The following KIF6 variants were observed in gnomAD, a reference collection of about 807,000 sequenced individuals.
KIF6 encodes kinesin family member 6.
KIF6 carries 106 observed loss-of-function variants against 112.7 expected under a neutral mutation model. The observed-to-expected ratio is 0.94, with a 90% CI of 0.80 to 1.11. KIF6 has a LOEUF of 1.11. Ranked by LOEUF, KIF6 falls within the 50% of genes least tolerant of loss-of-function variation. The probability of loss-of-function intolerance (pLI) is 0.00; values close to 1 mark genes in which losing one functional copy is unlikely to be tolerated. For missense variants in KIF6, 929 were observed against 964.0 expected, an observed-to-expected ratio of 0.96 and a Z score of 0.48; for synonymous variants, 339 against 339.9, an observed-to-expected ratio of 1.00 and a Z score of 0.03.
intron 15 of KIF6, among the ~76,000 whole-genome samples, chr6:39,390,456 G>A (rs904763098): frequency 5.9e-5 from 9 of 152,154 alleles, no homozygotes; most frequent in South Asian, 2.1e-4. Context: ...GTTAAGGTGC[G>A]CTTGGGAAGG....
At chr6:39,442,799 A>C (rs560490495) in intron 13 of KIF6, among the ~76,000 whole-genome samples, 100 of 152,256 alleles carry the variant, frequency 6.6e-4, no homozygotes, top group African/African-American at 2.1e-3. Flanking sequence ...GAAAGGCAGC[A>C]GTTTTCTTCA....
At position 39,408,620 on chromosome 6, in the gene KIF6, T is replaced by C. The variant is rs187664851; in HGVS notation, c.1810+11328A>G. On this transcript the variant is annotated intron_variant, in intron 15 of 22. Transcript: ENST00000287152. ...CAACAAAACAAGATATCTTTGTACA[T>C]AGGTGCCTCTCTCTCTCTCTCTCTC... Among the ~76,000 whole-genome samples the C allele has an allele frequency of 6.6e-5, 10 of 152,160 alleles. No homozygotes were observed. The East Asian group carries it at 1.9e-3, about 29-fold the overall frequency.
intron 3 of KIF6, among the ~76,000 whole-genome samples, chr6:39,706,162 G>C (rs2113852601): frequency 6.6e-6 from 1 of 152,150 alleles, no homozygotes; most frequent in African/African-American, 2.4e-5. Flanking sequence ...ATAGCTTCAT[G>C]CAACTCTTAT....
chr6:39,617,790 G>A (rs1299634194), intron 5 of KIF6: 1 of 453,560 alleles, frequency 2.2e-6, no homozygotes, highest in Non-Finnish European at 4.4e-6. Context: ...AATGTCAAGA[G>A]CAGGTGGGCC....
At chr6:39,362,560 TA>T in intron 16 of KIF6, 42 bp from the exon 17 acceptor site, 1 of 1,393,966 alleles carries the variant, frequency 7.2e-7, no homozygotes, top group Non-Finnish European at 1.0e-6. Context: ...GAAAGAAGGG[TA>T]AAAGGAAGAG....
chr6:39,581,521 G>A (rs1407812633), intron 9 of KIF6, among the ~76,000 whole-genome samples: 1 of 151,992 alleles, frequency 6.6e-6, no homozygotes, highest in African/African-American at 2.4e-5. Context: ...ATGTAAATTT[G>A]AATTTCAAAC....
intron 3 of KIF6, among the ~76,000 whole-genome samples, chr6:39,670,877 T>G (rs767886298): frequency 3.9e-5 from 6 of 152,202 alleles, no homozygotes; most frequent in Non-Finnish European, 7.3e-5. Context: ...GCATTGTAGA[T>G]GTCACCTATA....
chr6:39,361,235 C>T (rs1399521968), intron 17 of KIF6, among the ~76,000 whole-genome samples: 1 of 151,988 alleles, frequency 6.6e-6, no homozygotes, highest in Non-Finnish European at 1.5e-5. Context: ...GCCAAGGGGA[C>T]AAGATGAAGA....
At chr6:39,690,632 C>T (rs1251731790) in intron 3 of KIF6, 1 of 152,798 alleles carries the variant, frequency 6.5e-6, no homozygotes, top group African/African-American at 2.4e-5. Context: ...AAAGATCCCC[C>T]TGCGGAAGAA....
At chr6:39,430,264 T>A (rs533093221) in intron 14 of KIF6, among the ~76,000 whole-genome samples, 1 of 152,260 alleles carries the variant, frequency 6.6e-6, no homozygotes, top group African/African-American at 2.4e-5. Flanking sequence ...TGCCACATGT[T>A]CTCCTGAGAG....
intron 3 of KIF6, among the ~76,000 whole-genome samples, chr6:39,655,481 A>AT (rs1175853353): frequency 2.0e-5 from 3 of 151,330 alleles, no homozygotes; most frequent in Non-Finnish European, 1.5e-5. Flanking sequence ...TTTTTTCTTC[A>AT]TTTTTTTTGC....
chr6:39,361,999 G>A lies in KIF6; in HGVS notation c.1946+435C>T, dbSNP rs528385961. Among the ~76,000 whole-genome samples the A allele has an allele frequency of 4.1e-4, 63 of 152,346 alleles. 1 individual carries two copies. The highest frequency in any genetic ancestry group is 5.9e-5 in the Non-Finnish European group (4 of 68,028). On this transcript the variant is annotated intron_variant, in intron 17 of 22. Coordinates refer to ENST00000287152, the MANE Select transcript of KIF6 (RefSeq NM_145027.6). ...TGGAGCAAGATTCGGTGACCATGCTGTATATCAGGAATGGCTACATGCCTG... is the reference window on the plus strand; with the variant it reads ...TGGAGCAAGATTCGGTGACCATGCTATATATCAGGAATGGCTACATGCCTG...
rs114876511 is a variant in KIF6, at chr6:39,664,943, T to G, written c.252-25186A>C. On this transcript the variant is annotated intron_variant, in intron 3 of 22. Transcript: ENST00000287152. The stretch of plus-strand genomic sequence containing the variant: ...AAAACATGACAAAACATTTCATAGG[T>G]CATTTTACACAACAGACTAGGCAAT... Among the ~76,000 whole-genome samples, 1,451 of 152,266 alleles carry G rather than the reference T, an allele frequency of 9.5e-3. 15 individuals are homozygous for G. The highest frequency in any genetic ancestry group is 0.033 in the African/African-American group (1,385 of 41,568).
intron 16 of KIF6, among the ~76,000 whole-genome samples, chr6:39,367,820 C>A (rs2150276829): frequency 6.6e-6 from 1 of 152,260 alleles, no homozygotes; most frequent in South Asian, 2.1e-4. Context: ...TTGAAATGTG[C>A]AGAATAGTTT....
intron 13 of KIF6, among the ~76,000 whole-genome samples, chr6:39,515,680 T>C (rs1463423252): frequency 6.6e-6 from 1 of 152,086 alleles, no homozygotes; most frequent in Non-Finnish European, 1.5e-5. Context: ...GGAGATGTGG[T>C]TTCTCCACCC....
chr6:39,437,216 T>C (rs1291202024), intron 13 of KIF6, among the ~76,000 whole-genome samples: 1 of 152,232 alleles, frequency 6.6e-6, no homozygotes, highest in Non-Finnish European at 1.5e-5. Flanking sequence ...TACATTTATT[T>C]TGTAAACTGA....
chr6:39,337,158 T>TCCTTCTTTC lies in KIF6; in HGVS notation c.2429-611_2429-610insGAAAGAAGG, dbSNP rs1491446959. ...TTCCTTCCTTCCTTTCTCTTTCTTTTCTTTCTTTCCTTCCTTCTTTCTTTC... is the reference window on the plus strand; with the variant it reads ...TTCCTTCCTTCCTTTCTCTTTCTTTTCCTTCTTTCCTTTCTTTCCTTCCTTCTTTCTTTC... On this transcript the variant is annotated intron_variant, in intron 22 of 22. Coordinates refer to ENST00000287152, the MANE Select transcript of KIF6 (RefSeq NM_145027.6). Among the ~76,000 whole-genome samples the TCCTTCTTTC allele has an allele frequency of 2.8e-5, 2 of 71,194 alleles. 1 individual carries two copies. Among genetic ancestry groups the TCCTTCTTTC allele is most frequent in the Admixed American group, 2.5e-4 (2 of 8,134 alleles). The allele number at this position is 71,194 out of a possible 152,430, so 46.7% of individuals were successfully genotyped here.
intron 3 of KIF6, among the ~76,000 whole-genome samples, chr6:39,698,724 T>C (rs1788695579): frequency 6.6e-6 from 1 of 152,202 alleles, no homozygotes; most frequent in Non-Finnish European, 1.5e-5. Flanking sequence ...CCATTGGGAT[T>C]TTCTTATTTT....
intron 16 of KIF6, among the ~76,000 whole-genome samples, chr6:39,374,100 C>T (rs1386503683): frequency 6.6e-6 from 1 of 152,170 alleles, no homozygotes; most frequent in South Asian, 2.1e-4. Context: ...GATTTTTGAC[C>T]AAGGTGCCAA....
Sources: allele counts gnomAD v4.1 joint callset (sites outside exome capture counted in the v4.1 genomes callset), GRCh38; gene constraint gnomAD v4.1.1; transcripts MANE v1.5; gene names NCBI Gene and HGNC (gene_info 2026-07-23, HGNC 2026-07-21).